The following STRBP variants were observed in gnomAD, a reference collection of about 807,000 sequenced individuals.
STRBP encodes spermatid perinuclear RNA-binding protein.
A neutral mutation model predicts 80.1 loss-of-function variants in STRBP; 13 were observed. That is an observed-to-expected ratio of 0.16 (90% confidence interval 0.11 to 0.26). STRBP has a LOEUF of 0.26. Among genes scored for constraint, STRBP ranks in the 10% least tolerant of loss-of-function variants. The probability of loss-of-function intolerance (pLI) is 1.00; values close to 1 mark genes in which losing one functional copy is unlikely to be tolerated. For missense variants in STRBP, 485 were observed against 815.2 expected, an observed-to-expected ratio of 0.59 and a Z score of 4.93; for synonymous variants, 284 against 291.2, an observed-to-expected ratio of 0.98 and a Z score of 0.25.
chr9:123,137,210 A>C (rs563131378), intron 14 of STRBP, among the ~76,000 whole-genome samples: 1 of 152,340 alleles, frequency 6.6e-6, no homozygotes, highest in South Asian at 2.1e-4. Context: ...AAGAGCATGA[A>C]GGTGCAAATG....
chr9:123,209,350 A>C (rs1267901887), intron 2 of STRBP, among the ~76,000 whole-genome samples: 1 of 152,244 alleles, frequency 6.6e-6, no homozygotes, highest in Non-Finnish European at 1.5e-5. Context: ...TACAAATACC[A>C]GGAAAGCACT....
chr9:123,263,862 A>C (rs1483204828), intron 1 of STRBP, among the ~76,000 whole-genome samples: 1 of 152,184 alleles, frequency 6.6e-6, no homozygotes, highest in Non-Finnish European at 1.5e-5. Context: ...AGGAAAATGT[A>C]TTATGTTTAT....
At chr9:123,230,026 A>G (rs1340811370) in intron 2 of STRBP, among the ~76,000 whole-genome samples, 1 of 152,212 alleles carries the variant, frequency 6.6e-6, no homozygotes. Context: ...AGTTTTGCCA[A>G]GTAAGTATGA....
chr9:123,176,267 C>T (rs1211689582), intron 4 of STRBP, among the ~76,000 whole-genome samples: 2 of 152,230 alleles, frequency 1.3e-5, no homozygotes, highest in Non-Finnish European at 2.9e-5. Context: ...GAGCCTATTC[C>T]AAGTGCTACC....
At position 123,184,015 on chromosome 9, in the gene STRBP, C is replaced by T. The variant is rs574767671; in HGVS notation, c.3+117G>A. ...AGTAGAGTGCCATCTTTATATGACA[C>T]ACTAAAGCCAAAAATTAACACCACT... On this transcript the variant is annotated intron_variant, in intron 3 of 18. Coordinates refer to ENST00000348403, the MANE Select transcript of STRBP (RefSeq NM_018387.5). The T allele has an allele frequency of 3.6e-5, 35 of 972,518 alleles. No homozygotes were observed. In the African/African-American group the frequency reaches 5.0e-4, roughly 14 times the overall value. The allele number at this position is 972,518 out of a possible 1,614,324, so 60.2% of individuals were successfully genotyped here. A position where few individuals can be genotyped will look rare whatever the true frequency, so the allele number is the denominator to read the frequency against.
At chr9:123,247,097 T>C (rs1036082442) in intron 1 of STRBP, among the ~76,000 whole-genome samples, 1 of 151,976 alleles carries the variant, frequency 6.6e-6, no homozygotes, top group Non-Finnish European at 1.5e-5. Context: ...AAAATACCAA[T>C]CAATGAATTT....
intron 2 of STRBP, among the ~76,000 whole-genome samples, chr9:123,197,569 T>C (rs903722965): frequency 1.1e-4 from 16 of 152,210 alleles, no homozygotes; most frequent in African/African-American, 3.6e-4. Flanking sequence ...TACTCATAAC[T>C]TAGCTTTCAC....
chr9:123,234,029 T>C (rs2132586627), intron 2 of STRBP, among the ~76,000 whole-genome samples: 1 of 151,594 alleles, frequency 6.6e-6, no homozygotes, highest in Admixed American at 6.6e-5. Flanking sequence ...TGAAATCCCG[T>C]CTCTATTAAA....
chr9:123,254,311 C>G (rs971810333), intron 1 of STRBP, among the ~76,000 whole-genome samples: 2 of 151,820 alleles, frequency 1.3e-5, no homozygotes, highest in Admixed American at 1.3e-4. Context: ...AACACAAAAA[C>G]TTAGCCGGGC....
At chr9:123,220,757 T>C (rs1403583411) in intron 2 of STRBP, among the ~76,000 whole-genome samples, 2 of 152,164 alleles carry the variant, frequency 1.3e-5, no homozygotes, top group African/African-American at 4.8e-5. Flanking sequence ...GAAAACATGA[T>C]TTATTTTTTA....
chr9:123,115,621 A>C lies in STRBP; in HGVS notation c.*84+308T>G, dbSNP rs1372163048. 1 of 340,330 alleles carries C rather than the reference A, an allele frequency of 2.9e-6. No individual in the cohort carries two copies. Among genetic ancestry groups the C allele is most frequent in the African/African-American group, 2.1e-5 (1 of 46,518 alleles). 21.1% of individuals were successfully genotyped at this position (340,330 alleles called of 1,614,324 possible). On this transcript the variant is annotated intron_variant and NMD_transcript_variant, in intron 3 of 3. Transcript: ENST00000471564. The surrounding 1 kb of genome is among the most constrained non-coding windows in gnomAD (Gnocchi z 5.0). ...TGGTAAGAAGCAGTAGGTGACAGTG[A>C]ATGGTTTTTCTCAATAAATCTACGT... is the stretch of plus-strand genomic sequence containing the variant.
chr9:123,131,340 G>A (rs2036128843), intron 17 of STRBP, among the ~76,000 whole-genome samples: 1 of 152,164 alleles, frequency 6.6e-6, no homozygotes. Flanking sequence ...ACGGCCTCCA[G>A]GTCTGGGACT....
chr9:123,235,930 C>A (rs2040549136), intron 2 of STRBP, among the ~76,000 whole-genome samples: 1 of 152,210 alleles, frequency 6.6e-6, no homozygotes, highest in Non-Finnish European at 1.5e-5. Flanking sequence ...CTCCATCTTA[C>A]TTTCTGATTA....
intron 3 of STRBP, 100 bp from the exon 4 acceptor site, chr9:123,179,327 G>A: frequency 1.0e-6 from 1 of 980,610 alleles, no homozygotes; most frequent in Non-Finnish European, 1.5e-6. Flanking sequence ...AGCACTGACT[G>A]TCTACTGTGA....
At chr9:123,139,776 T>C (rs2036513432) in intron 13 of STRBP, 89 bp from the exon 14 acceptor site, 5 of 1,382,736 alleles carry the variant, frequency 3.6e-6, no homozygotes, top group Non-Finnish European at 5.0e-6. Flanking sequence ...TTCAAATCCA[T>C]AGTGTTTGAA....
Position 123,123,094 on chromosome 9 carries a change from T to G in STRBP, c.*2503A>C. On this transcript the variant is annotated 3_prime_UTR_variant, in exon 19 of 19. Coordinates refer to ENST00000348403, the MANE Select transcript of STRBP (RefSeq NM_018387.5). ...TAAGACCAAGACATAGAAATTGCCA[T>G]TTCAAGCCAGACAACCTGATGGTTC... 1.0e-6 allele frequency: 1 copy of G among 985,412 alleles called. No individual in the cohort carries two copies. The highest frequency in any genetic ancestry group is 1.2e-6 in the Non-Finnish European group (1 of 829,932). 61.0% of individuals were successfully genotyped at this position (985,412 alleles called of 1,614,324 possible). A position where few individuals can be genotyped will look rare whatever the true frequency, so the allele number is the denominator to read the frequency against.
chr9:123,160,508 C>T, intron 7 of STRBP, 46 bp from the exon 8 acceptor site: 1 of 1,464,242 alleles, frequency 6.8e-7, no homozygotes, highest in Non-Finnish European at 9.2e-7. Context: ...GAGATCTATT[C>T]TTCATTTTGG....
At chr9:123,145,144 A>G (rs1277974630) in intron 13 of STRBP, among the ~76,000 whole-genome samples, 1 of 152,212 alleles carries the variant, frequency 6.6e-6, no homozygotes, top group Non-Finnish European at 1.5e-5. Context: ...ACAAGAAACC[A>G]TTAACAATTT....
At chr9:123,130,032 T>G (rs2036068285) in intron 17 of STRBP, among the ~76,000 whole-genome samples, 1 of 152,152 alleles carries the variant, frequency 6.6e-6, no homozygotes, top group South Asian at 2.1e-4. Context: ...AAGGCTGCAG[T>G]TCTAAGGATT....
Sources: allele counts gnomAD v4.1 joint callset (sites outside exome capture counted in the v4.1 genomes callset), GRCh38; gene constraint gnomAD v4.1.1; non-coding constraint Gnocchi (gnomAD v3.1); transcripts MANE v1.5; gene names NCBI Gene and HGNC (gene_info 2026-07-23, HGNC 2026-07-21).